Variants in SRP54 observed in about 807,000 individuals in gnomAD.
The protein encoded by SRP54 is signal recognition particle subunit SRP54.
In SRP54, 10 loss-of-function variants were observed where a neutral mutation model predicts 64.8. The ratio of observed to expected loss-of-function variants is 0.15; its 90% CI spans 0.10 to 0.26. The LOEUF (loss-of-function observed/expected upper bound fraction) is 0.26, where lower values mean the gene tolerates loss of function less well. SRP54 is among the 10% of genes least tolerant of loss of function. SRP54 has a pLI of 1.00. For synonymous variants in SRP54, 193 were observed against 185.6 expected (o/e 1.04, Z -0.32); for missense variants, 325 against 613.7 (o/e 0.53, Z 4.97).
chr14:34,988,597 C>CATATATATATAA (rs2043938800), intron 1 of SRP54, among the ~76,000 whole-genome samples: 13 of 77,952 alleles, frequency 1.7e-4, no homozygotes, highest in African/African-American at 5.0e-4. Context: ...ATATATATAA[C>CATATATATATAA]ATATATATAT....
chr14:35,012,927 G>A (rs1453740723), intron 8 of SRP54, among the ~76,000 whole-genome samples: 1 of 148,356 alleles, frequency 6.7e-6, no homozygotes, highest in East Asian at 2.0e-4. Context: ...ATTATTTATA[G>A]TGTAAATGTT....
chr14:35,014,290 T>TTTTTTTTTTTTTG (rs376712278), intron 10 of SRP54, among the ~76,000 whole-genome samples: 7 of 127,336 alleles, frequency 5.5e-5, no homozygotes, highest in East Asian at 5.4e-4. Context: ...TTTTTTTTTT[T>TTTTTTTTTTTTTG]TTTTGAGACG....
intron 8 of SRP54, 65 bp from the exon 9 acceptor site, chr14:35,013,281 G>A: frequency 6.9e-7 from 1 of 1,445,618 alleles, no homozygotes; most frequent in Non-Finnish European, 9.6e-7. Context: ...AGCTTCTAAT[G>A]ATGACATTTG....
At chr14:34,985,723 C>T (rs2043885081) in intron 1 of SRP54, among the ~76,000 whole-genome samples, 1 of 152,148 alleles carries the variant, frequency 6.6e-6, no homozygotes, top group African/African-American at 2.4e-5. Flanking sequence ...TGCTGCACAT[C>T]AATATAGCTA....
intron 1 of SRP54, among the ~76,000 whole-genome samples, chr14:34,991,417 A>G (rs1334470305): frequency 6.6e-6 from 1 of 151,994 alleles, no homozygotes. Flanking sequence ...GGCATGAGCC[A>G]CCACACCTGG....
chr14:34,995,479 G>C (rs1218976553), intron 1 of SRP54, among the ~76,000 whole-genome samples: 1 of 152,090 alleles, frequency 6.6e-6, no homozygotes, highest in Non-Finnish European at 1.5e-5. Flanking sequence ...TTCTCTCTTA[G>C]TGTTTATTTT....
intron 14 of SRP54, among the ~76,000 whole-genome samples, chr14:35,027,107 G>T (rs2044643441): frequency 6.9e-6 from 1 of 145,060 alleles, no homozygotes; most frequent in African/African-American, 2.5e-5. Context: ...TTGATTCACT[G>T]CAACCTCCGC....
intron 1 of SRP54, chr14:34,993,224 G>A (rs1177850257): frequency 6.6e-6 from 1 of 152,012 alleles, no homozygotes; most frequent in African/African-American, 2.4e-5. Flanking sequence ...AGTTAATTGT[G>A]GTGTCATAAA....
chr14:35,003,519 C>G (rs1168047729), intron 4 of SRP54, among the ~76,000 whole-genome samples: 1 of 151,896 alleles, frequency 6.6e-6, no homozygotes, highest in Non-Finnish European at 1.5e-5. Flanking sequence ...GGACTACAGG[C>G]ATGCACCACC....
intron 7 of SRP54, among the ~76,000 whole-genome samples, 182 bp from the exon 8 acceptor site, chr14:35,011,327 T>C (rs2044354131): frequency 6.6e-6 from 1 of 152,228 alleles, no homozygotes. Context: ...GAAAATTGGA[T>C]AATGCTTCAT....
intron 1 of SRP54, among the ~76,000 whole-genome samples, chr14:34,988,889 C>T (rs1395471376): frequency 1.3e-5 from 2 of 151,874 alleles, no homozygotes; most frequent in Admixed American, 6.6e-5. Context: ...ATGACCTATG[C>T]ACATCCTTCC....
intron 1 of SRP54, among the ~76,000 whole-genome samples, chr14:34,995,152 T>G (rs1222902290): frequency 9.7e-5 from 12 of 123,188 alleles, no homozygotes; most frequent in African/African-American, 3.0e-4. Flanking sequence ...TGTGTGTGTG[T>G]GTGTGTGTGT....
intron 4 of SRP54, among the ~76,000 whole-genome samples, chr14:35,003,669 A>T (rs142426962): frequency 6.7e-6 from 1 of 149,588 alleles, no homozygotes; most frequent in African/African-American, 2.5e-5. Context: ...CCCTGGGCTC[A>T]GGTGATCCCT....
intron 2 of SRP54, among the ~76,000 whole-genome samples, chr14:34,999,013 G>T (rs1349113129): frequency 0.088 from 3,473 of 39,466 alleles, 234 homozygotes; most frequent in South Asian, 0.16. Flanking sequence ...GTGTGTGTGT[G>T]GTTTTTTTTT....
intron 4 of SRP54, among the ~76,000 whole-genome samples, chr14:35,007,062 G>C (rs2044268083): frequency 2.0e-5 from 3 of 152,034 alleles, no homozygotes; most frequent in Admixed American, 2.0e-4. Context: ...GTGTGGTGGC[G>C]TGTGCCTGTA....
At chr14:35,028,924 GTTCT>G (rs1352583094) in intron 15 of SRP54, 133 bp from the exon 16 acceptor site, 2 of 628,370 alleles carry the variant, frequency 3.2e-6, no homozygotes, top group Non-Finnish European at 5.4e-6. Flanking sequence ...TAGGTGGTAC[GTTCT>G]TTAAGGCTGA....
chr14:35,004,125 C>G (rs954750223), intron 4 of SRP54, among the ~76,000 whole-genome samples: 1 of 152,020 alleles, frequency 6.6e-6, no homozygotes, highest in East Asian at 1.9e-4. Context: ...TGGCACATGC[C>G]TGTAATCCCA....
At chr14:35,006,561 G>A (rs2044261431) in intron 4 of SRP54, among the ~76,000 whole-genome samples, 1 of 150,972 alleles carries the variant, frequency 6.6e-6, no homozygotes, top group Non-Finnish European at 1.5e-5. Flanking sequence ...GATGTATTGG[G>A]GTAGATACTA....
At chr14:34,988,560 C>CAAAAAAA (rs1160365086) in intron 1 of SRP54, among the ~76,000 whole-genome samples, 31 of 26,340 alleles carry the variant, frequency 1.2e-3, no homozygotes, top group African/African-American at 2.0e-3. Context: ...GACTCCATCT[C>CAAAAAAA]AAAAAAAAAA....
Sources: allele counts gnomAD v4.1 joint callset (sites outside exome capture counted in the v4.1 genomes callset), GRCh38; gene constraint gnomAD v4.1.1; transcripts MANE v1.5; gene names NCBI Gene and HGNC (gene_info 2026-07-23, HGNC 2026-07-21).